The following TMPRSS15 variants were observed in gnomAD, a reference collection of about 807,000 sequenced individuals.
The protein encoded by TMPRSS15 is enteropeptidase.
A neutral mutation model predicts 125.3 loss-of-function variants in TMPRSS15; 128 were observed. The observed-to-expected ratio is 1.02, with a 90% CI of 0.89 to 1.18. TMPRSS15 has a LOEUF of 1.18. Ranked by LOEUF, TMPRSS15 falls within the 50% of genes most tolerant of loss-of-function variation. The probability of loss-of-function intolerance (pLI) is 0.00; values close to 1 mark genes in which losing one functional copy is unlikely to be tolerated. For synonymous variants in TMPRSS15, 446 were observed against 423.2 expected (o/e 1.05, Z -0.66); for missense variants, 1,283 against 1,212.7 (o/e 1.06, Z -0.86).
intron 8 of TMPRSS15, among the ~76,000 whole-genome samples, chr21:18,356,093 T>C (rs190641695): frequency 1.8e-4 from 27 of 152,012 alleles, no homozygotes; most frequent in Admixed American, 1.7e-3. Context: ...AAAACTTTTA[T>C]GGATGTTAAT....
rs751011766 is a variant in TMPRSS15 at position 18,321,349 on chromosome 21, C to CTTTTTTT, written c.1921+5076_1921+5082dup. 3.0e-3 allele frequency among the ~76,000 whole-genome samples: 298 copies of CTTTTTTT among 100,580 alleles called. 9 individuals carry two copies. Among genetic ancestry groups the CTTTTTTT allele is most frequent in the African/African-American group, 8.2e-3 (203 of 24,664 alleles). 66.0% of individuals were successfully genotyped at this position (100,580 alleles called of 152,430 possible). ...TGAAGCAAAAACGATTTTTTTCCTT[C>CTTTTTTT]TTTTTTTTTTTTTTTTTTTTTGAGA... is the stretch of plus-strand genomic sequence containing the variant. On this transcript the variant is annotated intron_variant, in intron 16 of 24. Coordinates refer to ENST00000284885, the MANE Select transcript of TMPRSS15 (RefSeq NM_002772.3).
intron 1 of TMPRSS15, among the ~76,000 whole-genome samples, chr21:18,474,085 C>G (rs1978830834): frequency 6.6e-6 from 1 of 152,012 alleles, no homozygotes; most frequent in Non-Finnish European, 1.5e-5. Flanking sequence ...TTTTTCACTA[C>G]ACTGTCATCC....
intron 24 of TMPRSS15, among the ~76,000 whole-genome samples, chr21:18,271,077 A>G (rs1047584558): frequency 6.6e-6 from 1 of 152,122 alleles, no homozygotes; most frequent in African/African-American, 2.4e-5. Flanking sequence ...TAATCTATCA[A>G]TGCACCCTTT....
chr21:18,382,139 A>G (rs149796476), intron 4 of TMPRSS15, among the ~76,000 whole-genome samples: 240 of 152,276 alleles, frequency 1.6e-3, no homozygotes, highest in Non-Finnish European at 2.6e-3. Flanking sequence ...AGAATGCCTA[A>G]GTCTAAATGA....
chr21:18,417,096 G>T (rs181745553), intron 1 of TMPRSS15, among the ~76,000 whole-genome samples: 1 of 152,052 alleles, frequency 6.6e-6, no homozygotes, highest in Non-Finnish European at 1.5e-5. Flanking sequence ...CATGTCAATT[G>T]TAACATTTCA....
chr21:18,345,515 G>A (rs527776684), intron 10 of TMPRSS15, among the ~76,000 whole-genome samples: 1 of 151,526 alleles, frequency 6.6e-6, no homozygotes, highest in East Asian at 1.9e-4. Context: ...GCCGAGGCGG[G>A]CGGATCACGA....
At chr21:18,366,871 A>G (rs938274514) in intron 6 of TMPRSS15, among the ~76,000 whole-genome samples, 1 of 152,160 alleles carries the variant, frequency 6.6e-6, no homozygotes, top group Admixed American at 6.5e-5. Context: ...GAAAAAGCTC[A>G]TCGTAAAATT....
At chr21:18,482,173 A>G (rs1411705324) in intron 1 of TMPRSS15, among the ~76,000 whole-genome samples, 1 of 151,334 alleles carries the variant, frequency 6.6e-6, no homozygotes, top group African/African-American at 2.4e-5. Flanking sequence ...ACCAACTTAA[A>G]TTATAATATA....
intron 1 of TMPRSS15, among the ~76,000 whole-genome samples, chr21:18,476,117 T>A (rs2123287711): frequency 6.6e-6 from 1 of 152,268 alleles, no homozygotes; most frequent in East Asian, 1.9e-4. Context: ...TCTAACAGCA[T>A]TAAGAAATCA....
At chr21:18,370,081 A>G (rs11702131) in intron 6 of TMPRSS15, among the ~76,000 whole-genome samples, 27,436 of 151,982 alleles carry the variant, frequency 0.18, 2,585 homozygotes, top group African/African-American at 0.21. Context: ...TTAACAAAAA[A>G]TCTTCATGTT....
At position 18,383,788 on chromosome 21, in the gene TMPRSS15, A is replaced by G; in HGVS notation, c.345-10T>C. ...TATAATGCTGCCATTTCTGCAAAGC[A>G]AAAGAGGATATAAGAGGAAAAAGTC... On this transcript the variant is annotated splice_polypyrimidine_tract_variant and intron_variant, in intron 3 of 24. Transcript: ENST00000284885. 1.2e-6 allele frequency: 2 copies of G among 1,612,002 alleles called. No homozygotes were observed. The highest frequency in any genetic ancestry group is 1.7e-6 in the Non-Finnish European group (2 of 1,178,938).
chr21:18,287,388 A>T (rs755298869), intron 21 of TMPRSS15, among the ~76,000 whole-genome samples: 3 of 152,106 alleles, frequency 2.0e-5, no homozygotes, highest in Non-Finnish European at 4.4e-5. Context: ...GTCTTCTCCC[A>T]CCCCACCCAG....
At chr21:18,335,225 T>C (rs1055190367) in intron 13 of TMPRSS15, among the ~76,000 whole-genome samples, 2 of 152,192 alleles carry the variant, frequency 1.3e-5, no homozygotes, top group African/African-American at 4.8e-5. Context: ...GATATAAGAC[T>C]GGGAAAAATT....
intron 10 of TMPRSS15, among the ~76,000 whole-genome samples, chr21:18,345,762 A>AAAAAAAAAAAAAAC (rs2075501908): frequency 7.0e-6 from 1 of 143,674 alleles, no homozygotes. Context: ...AAAAAAAAAA[A>AAAAAAAAAAAAAAC]TCCACTGAAT....
chr21:18,351,091 A>T (rs944188662), intron 10 of TMPRSS15, among the ~76,000 whole-genome samples: 32 of 152,258 alleles, frequency 2.1e-4, no homozygotes, highest in African/African-American at 6.7e-4. Context: ...GAAAAAAATT[A>T]ACTCTTTAAA....
At chr21:18,275,053 A>G in intron 24 of TMPRSS15, 144 bp downstream of exon 24, 4 of 1,074,890 alleles carry the variant, frequency 3.7e-6, no homozygotes, top group Non-Finnish European at 5.6e-6. Context: ...CAAGAGGATT[A>G]CGCAAATAGG....
At chr21:18,300,204 CTTTCTT>C (rs1176979147) in intron 18 of TMPRSS15, among the ~76,000 whole-genome samples, 5 of 62,232 alleles carry the variant, frequency 8.0e-5, no homozygotes, top group East Asian at 3.5e-4. Flanking sequence ...CTTTCTCTTT[CTTTCTT>C]TTTCTTTCTC....
chr21:18,315,207 T>C lies in TMPRSS15; in HGVS notation c.1971A>G (p.Pro657=), dbSNP rs758757827. 1 of 1,613,908 alleles carries C rather than the reference T, an allele frequency of 6.2e-7. No individual in the cohort carries two copies. The highest frequency in any genetic ancestry group is 8.5e-7 in the Non-Finnish European group (1 of 1,180,002). ...HFQCKNGECV[P]LVNLCDGHLH... ...GATGACCGTCACAGAGATTCACCAGTGGAACACACTCTCCATTTTTACATT... is the reference window on the plus strand; with the variant it reads ...GATGACCGTCACAGAGATTCACCAGCGGAACACACTCTCCATTTTTACATT... The change falls in exon 17 of 25, where the codon CCA becomes CCG. Residue 657 remains proline, a synonymous_variant. Transcript: ENST00000284885.
intron 6 of TMPRSS15, 61 bp downstream of exon 6, chr21:18,372,132 G>GTGTGTGTA: frequency 1.4e-6 from 2 of 1,427,528 alleles, no homozygotes; most frequent in Non-Finnish European, 2.0e-6. Context: ...GTGTGTGTGT[G>GTGTGTGTA]TGTGTGTCTA....
Sources: gnomAD v4.1 joint callset for allele counts (sites outside exome capture counted in the v4.1 genomes callset) on GRCh38, gnomAD v4.1.1 for gene constraint, MANE v1.5 for transcripts, NCBI Gene and HGNC (gene_info 2026-07-23, HGNC 2026-07-21) for gene names.